RELN: variants seen among roughly 807,000 people sequenced by gnomAD.
RELN encodes the protein reelin.
A neutral mutation model predicts 427.6 loss-of-function variants in RELN; 108 were observed. That is an observed-to-expected ratio of 0.25 (90% confidence interval 0.22 to 0.30). The LOEUF is 0.30. Among genes scored for constraint, RELN ranks in the 10% least tolerant of loss-of-function variants. RELN has a pLI of 1.00. For missense variants in RELN, 3,715 were observed against 4,302.8 expected (o/e 0.86, Z 3.82); for synonymous variants, 1,524 against 1,513.4 (o/e 1.01, Z -0.16).
intron 43 of RELN, among the ~76,000 whole-genome samples, chr7:103,541,817 G>A (rs1453824544): frequency 2.0e-5 from 3 of 152,102 alleles, no homozygotes; most frequent in African/African-American, 7.2e-5. Context: ...TAAACTATAT[G>A]CATTAAAGTG....
chr7:103,750,562 A>C (rs1790972870), intron 5 of RELN, among the ~76,000 whole-genome samples: 1 of 152,166 alleles, frequency 6.6e-6, no homozygotes, highest in Non-Finnish European at 1.5e-5. Flanking sequence ...GTCAGTGTCT[A>C]ATTCACTTTA....
At chr7:103,530,258 C>T (rs1215287802) in intron 46 of RELN, among the ~76,000 whole-genome samples, 10 of 152,172 alleles carry the variant, frequency 6.6e-5, no homozygotes, top group African/African-American at 2.4e-4. Flanking sequence ...TTAGCTTGCT[C>T]CCCGCATCTT....
intron 36 of RELN, 123 bp downstream of exon 36, chr7:103,561,409 A>T (rs946156317): frequency 2.3e-6 from 2 of 870,736 alleles, no homozygotes; most frequent in Non-Finnish European, 3.9e-6. Flanking sequence ...GCTAAAAGTC[A>T]ATAACTATGT....
Position 103,565,343 on chromosome 7 carries a change from T to C in RELN, c.5145A>G (p.Ser1715=), listed in dbSNP as rs113229231. 7.6e-5 allele frequency: 122 copies of C among 1,614,142 alleles called. No individual in the cohort carries two copies. In the African/African-American group the frequency reaches 1.5e-3, roughly 19 times the overall value. The change falls in exon 34 of 65, where the codon TCA becomes TCG. Residue 1715 remains serine (S), a synonymous_variant. Transcript: ENST00000428762. The part of the protein sequence containing the change: ...TIGCLHYTES[S]IYTSERFQNW... ...TCTGGAATCTTTCCGAGGTGTAAAT[T>C]GAACTTTCCGTGTAATGCAGACAGC...
At chr7:103,622,951 G>A (rs554444169) in intron 20 of RELN, among the ~76,000 whole-genome samples, 94 of 152,274 alleles carry the variant, frequency 6.2e-4, no homozygotes, top group African/African-American at 2.2e-3. Context: ...TCAATAAATA[G>A]CTGAATGTAT....
intron 6 of RELN, among the ~76,000 whole-genome samples, chr7:103,746,711 G>T (rs1790842578): frequency 2.0e-5 from 3 of 151,582 alleles, no homozygotes; most frequent in Non-Finnish European, 4.4e-5. Flanking sequence ...AAACCACAAT[G>T]AGATACCATC....
Position 103,503,179 on chromosome 7 carries a change from C to A in RELN, c.8326G>T (p.Val2776Leu), listed in dbSNP as rs1277448505. 6.2e-7 allele frequency: 1 copy of A among 1,614,056 alleles called. No homozygotes were observed. Among genetic ancestry groups the A allele is most frequent in the Non-Finnish European group, 8.5e-7 (1 of 1,180,034 alleles). Residue 2776 changes from valine to leucine, a missense_variant, in exon 52 of 65, where the codon GTG becomes TTG. Around this residue, in one of 4 missense-constraint regions of RELN, gnomAD observed 1,310 missense variants for 1,643.0 expected, o/e 0.80. Transcript: ENST00000428762. ...SEKIAQNQIH[V>L]QYSTDFGVSW... ...ACACCGAAGTCAGTAGAATACTGCACATGAATTTGATTCTGGGCAATTTTT... is the reference window on the plus strand; with the variant it reads ...ACACCGAAGTCAGTAGAATACTGCAAATGAATTTGATTCTGGGCAATTTTT...
At chr7:103,780,148 T>C (rs903615351) in intron 3 of RELN, among the ~76,000 whole-genome samples, 3 of 152,260 alleles carry the variant, frequency 2.0e-5, no homozygotes, top group Admixed American at 1.3e-4. Flanking sequence ...GTTGGAACTC[T>C]GGCCTCTTGG....
At chr7:103,478,613 A>G (rs1828120776) in intron 63 of RELN, 1 of 512,002 alleles carries the variant, frequency 2.0e-6, no homozygotes, top group Admixed American at 3.3e-5. Context: ...AACATGCAAT[A>G]TTTGCTCATA....
intron 3 of RELN, among the ~76,000 whole-genome samples, chr7:103,821,262 C>T (rs1317883360): frequency 2.0e-5 from 3 of 152,148 alleles, no homozygotes; most frequent in Non-Finnish European, 4.4e-5. Context: ...TTGCACCTCT[C>T]CTTCGGCAGG....
chr7:103,841,095 G>A (rs1455064237), intron 2 of RELN, among the ~76,000 whole-genome samples: 2 of 152,108 alleles, frequency 1.3e-5, no homozygotes, highest in African/African-American at 4.8e-5. Context: ...AGTCAAATGT[G>A]GCTCTCCTGA....
chr7:103,643,018 G>A (rs193238799), intron 16 of RELN, among the ~76,000 whole-genome samples: 18 of 152,030 alleles, frequency 1.2e-4, no homozygotes, highest in African/African-American at 2.9e-4. Context: ...CTTTCCATTC[G>A]TCTGCTTTTT....
Position 103,594,383 on chromosome 7 carries a change from T to C in RELN, c.3649A>G (p.Ile1217Val). 1 of 1,614,066 alleles carries C rather than the reference T, an allele frequency of 6.2e-7. No homozygotes were observed. The highest frequency in any genetic ancestry group is 1.1e-5 in the South Asian group (1 of 91,086). Reference protein sequence around the residue: ...EDYDQWAVDDIIILSEKQKQI... With the variant: ...EDYDQWAVDDVIILSEKQKQI... ...TTCTGCTTCTCGGACAGAATGATGA[T>C]GTCATCGACTGCCCACTGGTCATAG... The change falls in exon 26 of 65, where the codon ATC (isoleucine) becomes GTC (valine). Residue 1217 changes from isoleucine to valine, a missense_variant. Physicochemically the swap from Ile to Val is conservative, Grantham distance 29. This residue lies in a region of RELN where 2,208 missense variants were observed against 2,361.7 expected (regional missense o/e 0.93). Coordinates refer to ENST00000428762, the MANE Select transcript of RELN (RefSeq NM_005045.4).
intron 1 of RELN, among the ~76,000 whole-genome samples, chr7:103,956,298 A>G (rs1201963748): frequency 6.6e-6 from 1 of 152,216 alleles, no homozygotes; most frequent in Non-Finnish European, 1.5e-5. Flanking sequence ...TGAAATGAAT[A>G]GCTTTCCTGA....
chr7:103,832,234 A>G (rs530086903), intron 3 of RELN, among the ~76,000 whole-genome samples: 1 of 152,256 alleles, frequency 6.6e-6, no homozygotes, highest in East Asian at 1.9e-4. Context: ...GTCTGAATAG[A>G]AAACCATTCA....
In RELN at chr7:103,760,988, G is replaced by T. The variant is rs557342046; in HGVS notation, c.545-7774C>A. Reference sequence around the variant, plus strand: ...TCCAAAAATGTTATAAATTTAGAGTGAAAACAGTTCTCCCTGTGTTCAAGA... The same window carrying T: ...TCCAAAAATGTTATAAATTTAGAGTTAAAACAGTTCTCCCTGTGTTCAAGA... On this transcript the variant is annotated intron_variant, in intron 4 of 64. Coordinates refer to ENST00000428762, the MANE Select transcript of RELN (RefSeq NM_005045.4). 2.0e-4 allele frequency among the ~76,000 whole-genome samples: 31 copies of T among 152,150 alleles called. 1 individual carries two copies. The South Asian group carries it at 5.8e-3, about 28-fold the overall frequency.
intron 3 of RELN, among the ~76,000 whole-genome samples, chr7:103,793,120 T>G (rs1331140959): frequency 6.6e-6 from 1 of 152,190 alleles, no homozygotes; most frequent in East Asian, 1.9e-4. Context: ...ATATATTACA[T>G]GCAACTTTGA....
In RELN at chr7:103,527,040, T is replaced by C. The variant is rs79715610; in HGVS notation, c.7350-3509A>G. On this transcript the variant is annotated intron_variant, in intron 46 of 64. Transcript: ENST00000428762. ...TTACATCAGTTTTGTTTAATAGATA[T>C]CCATTGCTAAGTAGTTAAAATATTA... Among the ~76,000 whole-genome samples, 13 of 152,322 alleles carry C rather than the reference T, an allele frequency of 8.5e-5. No homozygotes were observed. In the East Asian group the frequency reaches 2.1e-3, roughly 25 times the overall value.
intron 51 of RELN, among the ~76,000 whole-genome samples, chr7:103,509,720 A>G (rs1829336243): frequency 6.6e-6 from 1 of 152,218 alleles, no homozygotes; most frequent in Non-Finnish European, 1.5e-5. Context: ...TAGGCAACAG[A>G]ATGGGAGAAA....
Sources: allele counts gnomAD v4.1 joint callset (sites outside exome capture counted in the v4.1 genomes callset), GRCh38; gene constraint gnomAD v4.1.1; regional missense constraint gnomAD v4.1.1; transcripts MANE v1.5; gene names NCBI Gene and HGNC (gene_info 2026-07-23, HGNC 2026-07-21).